AP3B1: variants seen among roughly 807,000 people sequenced by gnomAD.
The protein encoded by AP3B1 is AP-3 complex subunit beta-1.
In AP3B1, 61 loss-of-function variants were observed where a neutral mutation model predicts 132.5. That is an observed-to-expected ratio of 0.46 (90% confidence interval 0.37 to 0.57). The LOEUF (loss-of-function observed/expected upper bound fraction) is 0.57. Among genes scored for constraint, AP3B1 ranks in the 20% least tolerant of loss-of-function variants. AP3B1 has a pLI of 0.00. For synonymous variants in AP3B1, 388 were observed against 438.3 expected (o/e 0.89, Z 1.43); for missense variants, 1,120 against 1,289.4 (o/e 0.87, Z 2.01).
intron 1 of AP3B1, among the ~76,000 whole-genome samples, chr5:78,277,050 T>A (rs1748811160): frequency 6.6e-6 from 1 of 152,038 alleles, no homozygotes; most frequent in Non-Finnish European, 1.5e-5. Context: ...TAAAACAGAC[T>A]AACATGTTTT....
chr5:78,202,370 C>T (rs1245038032), intron 7 of AP3B1, among the ~76,000 whole-genome samples: 1 of 152,098 alleles, frequency 6.6e-6, no homozygotes, highest in Non-Finnish European at 1.5e-5. Flanking sequence ...TGTATTACAA[C>T]TCCCCATCCC....
In AP3B1 at chr5:78,225,633, T is replaced by G. The variant is rs776996516; in HGVS notation, c.537-25A>C. The G allele has an allele frequency of 1.2e-5, 17 of 1,433,100 alleles. No individual in the cohort carries two copies. In the Admixed American group the frequency reaches 2.7e-4, roughly 23 times the overall value. 88.8% of individuals were successfully genotyped at this position (1,433,100 alleles called of 1,614,324 possible). A position where few individuals can be genotyped will look rare whatever the true frequency, so the allele number is the denominator to read the frequency against. ...GCTAAAAAATACAAAAATAACATAT[T>G]AATTTTTCCCTTTAATTCTAGCTTT... On this transcript the variant is annotated intron_variant, in intron 5 of 26. Transcript: ENST00000255194.
At chr5:78,038,919 C>G in intron 23 of AP3B1, 124 bp downstream of exon 23, 1 of 645,690 alleles carries the variant, frequency 1.5e-6, no homozygotes, top group East Asian at 2.8e-5. Flanking sequence ...ACTGAATATG[C>G]TAATTGTCAA....
chr5:78,280,225 A>G (rs1291785603), intron 1 of AP3B1, among the ~76,000 whole-genome samples: 5 of 152,154 alleles, frequency 3.3e-5, no homozygotes, highest in Non-Finnish European at 5.9e-5. Context: ...TCATGAAAAG[A>G]AAACTGATCA....
chr5:78,245,181 T>G (rs1479017426), intron 2 of AP3B1, among the ~76,000 whole-genome samples: 3 of 152,166 alleles, frequency 2.0e-5, no homozygotes, highest in Non-Finnish European at 2.9e-5. Context: ...CCACACTATT[T>G]ATTGAGTACA....
intron 6 of AP3B1, among the ~76,000 whole-genome samples, chr5:78,219,491 A>G (rs1278462221): frequency 6.6e-6 from 1 of 152,044 alleles, no homozygotes; most frequent in African/African-American, 2.4e-5. Context: ...AATAAACAAT[A>G]AAAATTCATA....
chr5:78,221,698 A>G (rs1746183383), intron 6 of AP3B1, among the ~76,000 whole-genome samples: 1 of 151,906 alleles, frequency 6.6e-6, no homozygotes, highest in South Asian at 2.1e-4. Context: ...ACAGGCAAAG[A>G]AGATCCAATG....
chr5:78,118,826 G>C (rs983083255), intron 17 of AP3B1, among the ~76,000 whole-genome samples: 1 of 152,218 alleles, frequency 6.6e-6, no homozygotes, highest in South Asian at 2.1e-4. Context: ...GAAGAGAGGA[G>C]TGGTTTTCCC....
intron 6 of AP3B1, among the ~76,000 whole-genome samples, chr5:78,218,692 GT>G (rs1746058694): frequency 6.6e-6 from 1 of 152,074 alleles, no homozygotes; most frequent in South Asian, 2.1e-4. Context: ...GGTACAAAAC[GT>G]TTCCTTGCAT....
At chr5:78,217,423 G>A (rs1471415416) in intron 6 of AP3B1, among the ~76,000 whole-genome samples, 2 of 152,042 alleles carry the variant, frequency 1.3e-5, no homozygotes, top group African/African-American at 2.4e-5. Flanking sequence ...ACCATGTACT[G>A]GTGCCTGCTG....
intron 15 of AP3B1, among the ~76,000 whole-genome samples, chr5:78,133,226 C>T (rs1752761079): frequency 6.6e-6 from 1 of 152,200 alleles, no homozygotes; most frequent in African/African-American, 2.4e-5. Flanking sequence ...ACAGCTTTTC[C>T]CACCTGCTTT....
chr5:78,031,760 GCTC>G (rs754023640), intron 24 of AP3B1, among the ~76,000 whole-genome samples: 20 of 152,154 alleles, frequency 1.3e-4, no homozygotes, highest in Admixed American at 8.5e-4. Flanking sequence ...TTGTTTATCT[GCTC>G]CTATTTGTTT....
At chr5:78,053,298 C>T (rs1006553327) in intron 22 of AP3B1, among the ~76,000 whole-genome samples, 3 of 152,168 alleles carry the variant, frequency 2.0e-5, no homozygotes, top group Admixed American at 2.0e-4. Context: ...TCTTCATTAA[C>T]ACTGAAAATA....
Position 78,113,868 on chromosome 5 carries a change from G to C in AP3B1, c.2133C>G (p.Asp711Glu). 6.2e-7 allele frequency: 1 copy of C among 1,614,162 alleles called. No individual in the cohort carries two copies. The highest frequency in any genetic ancestry group is 1.1e-5 in the South Asian group (1 of 91,080). The change falls in exon 19 of 27, where the codon GAC becomes GAG. Residue 711 changes from aspartate to glutamate, a missense_variant. Around this residue, in one of 3 missense-constraint regions of AP3B1, gnomAD observed 906 missense variants for 997.1 expected, o/e 0.91. Transcript: ENST00000255194. ...GEQGESGEEG[D>E]SNEDSSEDSS... ...AGTCCTCACTGCTGTCCTCATTGCT[G>C]TCTCCTTCCTCCCCACTTTCGCCTT...
chr5:78,067,024 A>G (rs1749321766), intron 22 of AP3B1, among the ~76,000 whole-genome samples: 1 of 152,218 alleles, frequency 6.6e-6, no homozygotes, highest in Non-Finnish European at 1.5e-5. Flanking sequence ...ATTCTTAAAG[A>G]AAAGAATTTC....
intron 24 of AP3B1, among the ~76,000 whole-genome samples, chr5:78,027,113 TGTTA>T (rs1347558348): frequency 1.3e-5 from 2 of 152,096 alleles, no homozygotes; most frequent in Admixed American, 6.5e-5. Context: ...TAGAAGAACC[TGTTA>T]GTTATTTTCC....
At chr5:78,147,906 T>C (rs1753480692) in intron 14 of AP3B1, among the ~76,000 whole-genome samples, 1 of 151,994 alleles carries the variant, frequency 6.6e-6, no homozygotes, top group Non-Finnish European at 1.5e-5. Flanking sequence ...CGGTGGCGCA[T>C]GCCTGTAATC....
At chr5:78,238,416 G>A (rs1183998812) in intron 3 of AP3B1, among the ~76,000 whole-genome samples, 1 of 152,128 alleles carries the variant, frequency 6.6e-6, no homozygotes, top group Non-Finnish European at 1.5e-5. Flanking sequence ...TAAATGTAAT[G>A]CTTTTGAATC....
chr5:78,228,841 T>G (rs1746508723), intron 3 of AP3B1, among the ~76,000 whole-genome samples: 2 of 152,236 alleles, frequency 1.3e-5, no homozygotes, highest in Admixed American at 6.5e-5. Flanking sequence ...ATATTTTCAG[T>G]CCAGTAAGAA....
Sources: allele counts gnomAD v4.1 joint callset (sites outside exome capture counted in the v4.1 genomes callset), GRCh38; gene constraint gnomAD v4.1.1; regional missense constraint gnomAD v4.1.1; transcripts MANE v1.5; gene names NCBI Gene and HGNC (gene_info 2026-07-23, HGNC 2026-07-21).